The following FOXJ3 variants were observed in gnomAD, a reference collection of about 807,000 sequenced individuals.
FOXJ3 encodes the protein forkhead box J3.
In FOXJ3, 22 loss-of-function variants were observed where a neutral mutation model predicts 76.1. That is an observed-to-expected ratio of 0.29 (90% CI 0.21 to 0.41). FOXJ3 has a LOEUF of 0.41. FOXJ3 is among the 10% of genes least tolerant of loss of function. The probability of loss-of-function intolerance (pLI) is 1.00; values close to 1 mark genes in which losing one functional copy is unlikely to be tolerated. For missense variants in FOXJ3, 613 were observed against 762.1 expected (o/e 0.80, Z 2.30); for synonymous variants, 269 against 261.2 (o/e 1.03, Z -0.29).
rs188578377 is a variant in FOXJ3 at position 42,195,700 on chromosome 1, A to G, written c.760-636T>C. 5.9e-5 allele frequency among the ~76,000 whole-genome samples: 9 copies of G among 152,362 alleles called. No individual in the cohort carries two copies. The East Asian group carries it at 1.7e-3, about 29-fold the overall frequency. ...AAACTACCATTTGTTTAGTGTTTTG[A>G]AAAATTAAGGTATGAACATTGACTA... On this transcript the variant is annotated intron_variant, in intron 7 of 12. Transcript: ENST00000361346.
At chr1:42,232,526 ATT>A (rs1648236149) in intron 4 of FOXJ3, among the ~76,000 whole-genome samples, 1 of 148,418 alleles carries the variant, frequency 6.7e-6, no homozygotes, top group East Asian at 2.0e-4. Flanking sequence ...TGTGGTTTTG[ATT>A]TGCATTTCTC....
chr1:42,296,527 C>CAATATCCCAGCACCATCTATTG (rs1653799966), intron 2 of FOXJ3, among the ~76,000 whole-genome samples: 1 of 152,200 alleles, frequency 6.6e-6, no homozygotes, highest in African/African-American at 2.4e-5. Flanking sequence ...TATGGCTAGC[C>CAATATCCCAGCACCATCTATTG]AATATCCCAG....
chr1:42,248,151 G>T (rs1194086590), intron 4 of FOXJ3, among the ~76,000 whole-genome samples: 1 of 152,128 alleles, frequency 6.6e-6, no homozygotes, highest in Non-Finnish European at 1.5e-5. Flanking sequence ...TTTCTTTTTG[G>T]GAGGGATGAA....
intron 12 of FOXJ3, among the ~76,000 whole-genome samples, chr1:42,180,982 G>C (rs540703742): frequency 6.6e-6 from 1 of 152,296 alleles, no homozygotes; most frequent in Admixed American, 6.5e-5. Flanking sequence ...CTCACAACAG[G>C]TTAACATTCC....
At chr1:42,258,768 A>G (rs1292680824) in intron 4 of FOXJ3, among the ~76,000 whole-genome samples, 1 of 152,208 alleles carries the variant, frequency 6.6e-6, no homozygotes, top group Non-Finnish European at 1.5e-5. Flanking sequence ...ATTAACAGAC[A>G]TATCTTGCTT....
intron 6 of FOXJ3, among the ~76,000 whole-genome samples, chr1:42,205,497 T>C (rs1207597085): frequency 3.3e-5 from 5 of 152,104 alleles, no homozygotes; most frequent in African/African-American, 4.8e-5. Context: ...ACAAATTCTA[T>C]CAATGGGAAC....
At chr1:42,282,098 A>C (rs1401370801) in intron 2 of FOXJ3, among the ~76,000 whole-genome samples, 1 of 152,006 alleles carries the variant, frequency 6.6e-6, no homozygotes, top group African/African-American at 2.4e-5. Context: ...AAACAAACTT[A>C]TTAGTGGAAT....
intron 1 of FOXJ3, among the ~76,000 whole-genome samples, chr1:42,322,834 T>C (rs1039704589): frequency 6.6e-6 from 1 of 152,066 alleles, no homozygotes; most frequent in Non-Finnish European, 1.5e-5. Context: ...AAATGCAAAC[T>C]TGGGCTTCAT....
At chr1:42,230,725 G>T (rs1648014543) in intron 4 of FOXJ3, among the ~76,000 whole-genome samples, 2 of 152,108 alleles carry the variant, frequency 1.3e-5, no homozygotes, top group Non-Finnish European at 2.9e-5. Context: ...CAAGCACATA[G>T]AGAAACTGAA....
intron 1 of FOXJ3, among the ~76,000 whole-genome samples, chr1:42,318,889 C>A (rs1448677750): frequency 6.6e-6 from 1 of 152,128 alleles, no homozygotes; most frequent in Non-Finnish European, 1.5e-5. Flanking sequence ...CATCCACAGA[C>A]AAATCTGCAC....
chr1:42,182,171 A>T, intron 11 of FOXJ3, 147 bp from the exon 12 acceptor site: 3 of 573,066 alleles, frequency 5.2e-6, no homozygotes, highest in Non-Finnish European at 9.4e-6. Context: ...TACTCCTTTC[A>T]GATGCTAAAA....
chr1:42,236,395 T>C (rs976626434), intron 4 of FOXJ3, among the ~76,000 whole-genome samples: 2 of 152,164 alleles, frequency 1.3e-5, no homozygotes, highest in Non-Finnish European at 2.9e-5. Flanking sequence ...AGGGTCTTGC[T>C]ACGTTGCCCA....
intron 11 of FOXJ3, among the ~76,000 whole-genome samples, chr1:42,186,141 A>C (rs979737895): frequency 6.6e-6 from 1 of 152,158 alleles, no homozygotes; most frequent in African/African-American, 2.4e-5. Flanking sequence ...GGGAAGTAAA[A>C]GATCTGAATG....
intron 5 of FOXJ3, among the ~76,000 whole-genome samples, chr1:42,206,268 A>G (rs578234476): frequency 1.3e-5 from 2 of 152,202 alleles, no homozygotes; most frequent in Non-Finnish European, 2.9e-5. Flanking sequence ...CCATGTGACT[A>G]CGGTGTGACC....
At chr1:42,256,539 TTC>T (rs1650601699) in intron 4 of FOXJ3, among the ~76,000 whole-genome samples, 1 of 104,318 alleles carries the variant, frequency 9.6e-6, no homozygotes, top group Non-Finnish European at 2.1e-5. Context: ...ACTTCACACC[TTC>T]ACACCCAGTA....
intron 2 of FOXJ3, among the ~76,000 whole-genome samples, chr1:42,295,836 T>C (rs925939145): frequency 6.6e-6 from 1 of 152,126 alleles, no homozygotes; most frequent in Admixed American, 6.5e-5. Flanking sequence ...CAGGTGTCTT[T>C]TGTATATAGT....
intron 1 of FOXJ3, among the ~76,000 whole-genome samples, chr1:42,321,757 T>C (rs1655440649): frequency 6.6e-6 from 1 of 152,092 alleles, no homozygotes; most frequent in Admixed American, 6.6e-5. Flanking sequence ...GTGGAAGAAC[T>C]GAGTGACAGG....
intron 4 of FOXJ3, among the ~76,000 whole-genome samples, chr1:42,246,530 AAC>A (rs1649567914): frequency 6.6e-6 from 1 of 152,144 alleles, no homozygotes; most frequent in Non-Finnish European, 1.5e-5. Flanking sequence ...ACAAAAAAAT[AAC>A]AGACACTGAA....
At chr1:42,288,645 C>G (rs1044550739) in intron 2 of FOXJ3, among the ~76,000 whole-genome samples, 3 of 152,196 alleles carry the variant, frequency 2.0e-5, no homozygotes, top group Non-Finnish European at 4.4e-5. Context: ...TCCAGAGACC[C>G]TTCAGGCAGT....
Sources: gnomAD v4.1 joint callset for allele counts (sites outside exome capture counted in the v4.1 genomes callset) on GRCh38, gnomAD v4.1.1 for gene constraint, MANE v1.5 for transcripts, NCBI Gene and HGNC (gene_info 2026-07-23, HGNC 2026-07-21) for gene names.